ATP8B4: variants seen among roughly 807,000 people sequenced by gnomAD.
ATP8B4 encodes the protein probable phospholipid-transporting ATPase IM.
In ATP8B4, 133 loss-of-function variants were observed where a neutral mutation model predicts 145.6. The observed-to-expected ratio is 0.91, with a 90% confidence interval of 0.79 to 1.05. The LOEUF is 1.05. ATP8B4 is among the 50% of genes least tolerant of loss of function. ATP8B4 has a pLI of 0.00. For missense variants in ATP8B4, 1,458 were observed against 1,425.2 expected (o/e 1.02, Z -0.37); for synonymous variants, 507 against 492.9 (o/e 1.03, Z -0.38).
intron 20 of ATP8B4, among the ~76,000 whole-genome samples, chr15:49,908,598 C>T (rs1214668483): frequency 6.6e-6 from 1 of 152,142 alleles, no homozygotes; most frequent in Non-Finnish European, 1.5e-5. Flanking sequence ...AAGGCAGTGC[C>T]ATTGCCCCAG....
chr15:50,038,070 T>C (rs1239135021), intron 6 of ATP8B4, among the ~76,000 whole-genome samples: 1 of 152,154 alleles, frequency 6.6e-6, no homozygotes, highest in African/African-American at 2.4e-5. Flanking sequence ...AGTACATCAT[T>C]AAAATTTACT....
chr15:50,117,922 C>A (rs1052612550), intron 1 of ATP8B4, among the ~76,000 whole-genome samples: 6 of 152,074 alleles, frequency 3.9e-5, no homozygotes, highest in Non-Finnish European at 8.8e-5. Context: ...TATCACATAT[C>A]CTCTGTCATA....
intron 24 of ATP8B4, among the ~76,000 whole-genome samples, chr15:49,878,729 G>A (rs933176763): frequency 6.6e-6 from 1 of 152,032 alleles, no homozygotes; most frequent in African/African-American, 2.4e-5. Flanking sequence ...ATTGATGCTG[G>A]GACAAAAGAA....
intron 3 of ATP8B4, among the ~76,000 whole-genome samples, chr15:50,051,635 G>C (rs1258618784): frequency 2.0e-5 from 3 of 152,190 alleles, no homozygotes; most frequent in Admixed American, 1.3e-4. Flanking sequence ...AGGATTTGGA[G>C]AAAAGAATGG....
At chr15:50,061,684 T>C (rs1486857486) in intron 3 of ATP8B4, among the ~76,000 whole-genome samples, 1 of 152,186 alleles carries the variant, frequency 6.6e-6, no homozygotes, top group Non-Finnish European at 1.5e-5. Context: ...CTACTTAACA[T>C]GTGACTGGCA....
At chr15:50,030,526 A>T (rs1159160770) in intron 6 of ATP8B4, among the ~76,000 whole-genome samples, 1 of 152,142 alleles carries the variant, frequency 6.6e-6, no homozygotes, top group Non-Finnish European at 1.5e-5. Flanking sequence ...AGGAGACATT[A>T]AAAAGGCCAA....
intron 2 of ATP8B4, among the ~76,000 whole-genome samples, chr15:50,106,260 C>A (rs1002916073): frequency 6.6e-6 from 1 of 152,136 alleles, no homozygotes; most frequent in Non-Finnish European, 1.5e-5. Context: ...GTTGGACACA[C>A]GTCCACTGAA....
intron 2 of ATP8B4, among the ~76,000 whole-genome samples, chr15:50,083,641 C>G (rs2054702232): frequency 1.3e-5 from 2 of 152,292 alleles, no homozygotes; most frequent in South Asian, 4.1e-4. Flanking sequence ...GAGAGCACTT[C>G]TCTGCTTGAT....
intron 23 of ATP8B4, among the ~76,000 whole-genome samples, chr15:49,881,273 A>G (rs1024239224): frequency 3.9e-5 from 6 of 152,230 alleles, no homozygotes; most frequent in African/African-American, 1.4e-4. Flanking sequence ...TACAGACCCA[A>G]TATAATCTCA....
intron 2 of ATP8B4, among the ~76,000 whole-genome samples, chr15:50,077,243 A>G (rs187047044): frequency 1.3e-5 from 2 of 152,380 alleles, no homozygotes; most frequent in Admixed American, 6.5e-5. Context: ...AAAGTGGACT[A>G]AAAGAGCTAA....
intron 13 of ATP8B4, among the ~76,000 whole-genome samples, chr15:49,968,846 T>C (rs1021680628): frequency 6.6e-6 from 1 of 152,218 alleles, no homozygotes; most frequent in Non-Finnish European, 1.5e-5. Flanking sequence ...ACATTGCATT[T>C]ATTCTAAACC....
At chr15:50,074,239 T>C in intron 2 of ATP8B4, 54 bp from the exon 3 acceptor site, 1 of 1,461,736 alleles carries the variant, frequency 6.8e-7, no homozygotes, top group Non-Finnish European at 9.5e-7. Context: ...GAGAAACAAA[T>C]AACTCATTAA....
rs147530356 is a variant in ATP8B4, at chr15:49,905,449, A to G, written c.2142-4210T>C. Among the ~76,000 whole-genome samples the G allele has an allele frequency of 4.0e-5, 6 of 151,866 alleles. No individual in the cohort carries two copies. In the East Asian group the frequency reaches 9.7e-4, roughly 24 times the overall value. ...TTAGATATAAGTAGCTGAGATTAGG[A>G]GTATAGAGAACAACTTTGAGCAATA... On this transcript the variant is annotated intron_variant, in intron 20 of 27. Transcript: ENST00000284509.
intron 2 of ATP8B4, among the ~76,000 whole-genome samples, chr15:50,078,024 T>C (rs1054667947): frequency 6.6e-6 from 1 of 151,804 alleles, no homozygotes; most frequent in Non-Finnish European, 1.5e-5. Flanking sequence ...TACAAACCAG[T>C]AACAGCTGAG....
intron 9 of ATP8B4, among the ~76,000 whole-genome samples, chr15:49,989,062 C>A (rs953080559): frequency 2.0e-5 from 3 of 152,188 alleles, no homozygotes; most frequent in Non-Finnish European, 4.4e-5. Flanking sequence ...CTATTTCCCA[C>A]TGCTAAATAG....
intron 9 of ATP8B4, among the ~76,000 whole-genome samples, chr15:49,992,901 T>C (rs7179614): frequency 0.66 from 99,843 of 151,916 alleles, 34,317 homozygotes; most frequent in East Asian, 0.99. Context: ...GCCAAACATA[T>C]ACAATGTTGA....
intron 14 of ATP8B4, among the ~76,000 whole-genome samples, chr15:49,947,215 G>A (rs1323690839): frequency 1.3e-5 from 2 of 152,046 alleles, no homozygotes; most frequent in African/African-American, 4.8e-5. Flanking sequence ...GGCGGATCAC[G>A]AAGTCAGGAG....
intron 17 of ATP8B4, chr15:49,922,317 C>A: frequency 2.7e-6 from 1 of 372,892 alleles, no homozygotes; most frequent in Non-Finnish European, 5.2e-6. Flanking sequence ...AAACCAGGGC[C>A]TTGGTGTTTG....
At chr15:50,100,775 C>A (rs1478110547) in intron 2 of ATP8B4, among the ~76,000 whole-genome samples, 3 of 152,182 alleles carry the variant, frequency 2.0e-5, no homozygotes, top group Non-Finnish European at 4.4e-5. Context: ...GAAGCGAATG[C>A]AGACACAGTT....
Sources: gnomAD v4.1 joint callset for allele counts (sites outside exome capture counted in the v4.1 genomes callset) on GRCh38, gnomAD v4.1.1 for gene constraint, MANE v1.5 for transcripts, NCBI Gene and HGNC (gene_info 2026-07-23, HGNC 2026-07-21) for gene names.